The following NUP93 variants were observed in gnomAD, a reference collection of about 807,000 sequenced individuals.
NUP93 encodes nucleoporin 93.
A neutral mutation model predicts 107.8 loss-of-function variants in NUP93; 55 were observed. That is an observed-to-expected ratio of 0.51 (90% CI 0.41 to 0.64). The LOEUF is 0.64. Among genes scored for constraint, NUP93 ranks in the 30% least tolerant of loss-of-function variants. The pLI is 0.00. For synonymous variants in NUP93, 390 were observed against 397.5 expected (o/e 0.98, Z 0.22); for missense variants, 937 against 1,044.7 (o/e 0.90, Z 1.42).
intron 3 of NUP93, among the ~76,000 whole-genome samples, chr16:56,794,546 G>T (rs1020431162): frequency 6.6e-6 from 1 of 151,654 alleles, no homozygotes; most frequent in African/African-American, 2.4e-5. Context: ...AACAAATGTG[G>T]TCATTGCTTT....
At chr16:56,824,833 A>G (rs1334926321) in intron 8 of NUP93, among the ~76,000 whole-genome samples, 1 of 152,218 alleles carries the variant, frequency 6.6e-6, no homozygotes, top group Non-Finnish European at 1.5e-5. Context: ...ACTAGCTTCC[A>G]TTCCCTGGTT....
intron 7 of NUP93, among the ~76,000 whole-genome samples, 161 bp from the exon 8 acceptor site, chr16:56,823,546 C>T (rs371284339): frequency 6.6e-6 from 1 of 152,138 alleles, no homozygotes; most frequent in Admixed American, 6.5e-5. Context: ...CCAGCAGAGA[C>T]GCATCTTCTG....
At chr16:56,835,495 C>T (rs1454928519) in intron 16 of NUP93, among the ~76,000 whole-genome samples, 1 of 152,238 alleles carries the variant, frequency 6.6e-6, no homozygotes, top group East Asian at 1.9e-4. Flanking sequence ...TGGGCAGTGA[C>T]AATCAACAGG....
At chr16:56,777,433 A>G (rs1173704035) in intron 3 of NUP93, among the ~76,000 whole-genome samples, 2 of 152,174 alleles carry the variant, frequency 1.3e-5, no homozygotes, top group African/African-American at 2.4e-5. Flanking sequence ...TGGGCAGTCT[A>G]GTTTGGGTAT....
chr16:56,767,307 G>A (rs569666810), intron 3 of NUP93, among the ~76,000 whole-genome samples: 1 of 152,366 alleles, frequency 6.6e-6, no homozygotes, highest in South Asian at 2.1e-4. Context: ...AGAATCTGCT[G>A]AGCAGGGCTG....
intron 1 of NUP93, among the ~76,000 whole-genome samples, chr16:56,746,040 G>T (rs1416903104): frequency 5.3e-5 from 8 of 151,660 alleles, no homozygotes; most frequent in African/African-American, 1.5e-4. Context: ...GAAAAGTTTT[G>T]CTTCATTCAG....
intron 3 of NUP93, among the ~76,000 whole-genome samples, chr16:56,769,440 G>A (rs1387521714): frequency 6.6e-6 from 1 of 152,092 alleles, no homozygotes; most frequent in Non-Finnish European, 1.5e-5. Context: ...GTGGTTGAGG[G>A]GCATTCAGTT....
chr16:56,817,670 TAC>T (rs1374655806), intron 5 of NUP93, among the ~76,000 whole-genome samples: 5 of 152,238 alleles, frequency 3.3e-5, no homozygotes, highest in Non-Finnish European at 5.9e-5. Context: ...ACTTTTTTCA[TAC>T]ACAGTCATAC....
chr16:56,820,821 A>G (rs1426198102), intron 6 of NUP93, among the ~76,000 whole-genome samples: 2 of 152,154 alleles, frequency 1.3e-5, no homozygotes, highest in Admixed American at 1.3e-4. Context: ...GTTAAGCTCT[A>G]AATCTTAACT....
intron 3 of NUP93, among the ~76,000 whole-genome samples, chr16:56,790,728 T>G (rs2144538906): frequency 6.6e-6 from 1 of 152,330 alleles, no homozygotes; most frequent in East Asian, 1.9e-4. Flanking sequence ...CAACTTACAT[T>G]CCTGTCTTCT....
chr16:56,790,730 C>T (rs1962742176), intron 3 of NUP93, among the ~76,000 whole-genome samples: 2 of 152,288 alleles, frequency 1.3e-5, no homozygotes, highest in Non-Finnish European at 2.9e-5. Context: ...ACTTACATTC[C>T]TGTCTTCTTA....
chr16:56,758,730 C>A (rs1209428194), intron 3 of NUP93, 75 bp downstream of exon 3: 2 of 946,908 alleles, frequency 2.1e-6, no homozygotes, highest in Non-Finnish European at 3.4e-6. Context: ...TATTAACTAG[C>A]AGATTGAGGA....
chr16:56,783,935 CA>C, intron 3 of NUP93: 1 of 947,924 alleles, frequency 1.1e-6, no homozygotes, highest in Non-Finnish European at 1.3e-6. Context: ...GTTGAATATG[CA>C]AAATAGACTT....
At chr16:56,810,481 A>G (rs180982073) in intron 5 of NUP93, among the ~76,000 whole-genome samples, 1 of 151,972 alleles carries the variant, frequency 6.6e-6, no homozygotes, top group Non-Finnish European at 1.5e-5. Context: ...GAATTTTTTT[A>G]ATTAGCTGGA....
rs1187216941 is a variant in NUP93, at chr16:56,830,704, C to A, written c.1085+19C>A. 6.5e-7 allele frequency: 1 copy of A among 1,544,980 alleles called. No homozygotes were observed. The highest frequency in any genetic ancestry group is 1.2e-5 in the South Asian group (1 of 84,232). On this transcript the variant is annotated intron_variant, in intron 10 of 21. Transcript: ENST00000308159. ...ACAGAAGGTATGGTGAATGAGGTGG[C>A]ACGCCCAGGGGCAGCCATGCAGAAT...
chr16:56,798,340 A>T (rs1962944376), intron 3 of NUP93, 136 bp from the exon 4 acceptor site: 2 of 665,958 alleles, frequency 3.0e-6, no homozygotes, highest in Non-Finnish European at 5.3e-6. Flanking sequence ...ATCTATGTTG[A>T]TGTTTTCAAG....
chr16:56,730,603 T>C (rs1050943449), intron 1 of NUP93, among the ~76,000 whole-genome samples: 22 of 152,152 alleles, frequency 1.4e-4, no homozygotes, highest in Non-Finnish European at 1.5e-4. Context: ...CCCTGCCTGC[T>C]TGCCTACCCC....
chr16:56,748,479 C>T lies in NUP93; in HGVS notation c.179+53C>T, dbSNP rs1445514298. The T allele has an allele frequency of 4.2e-6, 6 of 1,436,314 alleles. No individual in the cohort carries two copies. In the African/African-American group the frequency reaches 7.1e-5, roughly 17 times the overall value. 89.0% of individuals were successfully genotyped at this position (1,436,314 alleles called of 1,614,324 possible). ...GTACTGGGTGGCTTGCGGGCAGGAT[C>T]TGTTTCTTCTTTCCTGCCTTGAATT... On this transcript the variant is annotated intron_variant, in intron 2 of 21. Transcript: ENST00000308159.
chr16:56,758,397 C>A, intron 2 of NUP93, 141 bp from the exon 3 acceptor site: 1 of 650,096 alleles, frequency 1.5e-6, no homozygotes, highest in Non-Finnish European at 2.8e-6. Context: ...TATAAAACAA[C>A]TATGTAAAAG....
Sources: allele counts gnomAD v4.1 joint callset (sites outside exome capture counted in the v4.1 genomes callset), GRCh38; gene constraint gnomAD v4.1.1; transcripts MANE v1.5; gene names NCBI Gene and HGNC (gene_info 2026-07-23, HGNC 2026-07-21).